DLGAP1: variants seen among roughly 807,000 people sequenced by gnomAD.
DLGAP1 encodes the protein disks large-associated protein 1.
DLGAP1 carries 11 observed loss-of-function variants against 90.8 expected under a neutral mutation model. The observed-to-expected ratio is 0.12, with a 90% CI of 0.08 to 0.20. DLGAP1 has a LOEUF of 0.20. Among genes scored for constraint, DLGAP1 ranks in the 10% least tolerant of loss-of-function variants. The pLI is 1.00. For missense variants in DLGAP1, 1,050 were observed against 1,333.8 expected, an observed-to-expected ratio of 0.79 and a Z score of 3.31; for synonymous variants, 558 against 540.7, an observed-to-expected ratio of 1.03 and a Z score of -0.44.
At chr18:3,538,381 A>C (rs1454774252) in intron 9 of DLGAP1, among the ~76,000 whole-genome samples, 1 of 152,002 alleles carries the variant, frequency 6.6e-6, no homozygotes. Flanking sequence ...GAGCCAAAAA[A>C]AAAAAAGAAA....
At chr18:4,181,986 C>A (rs1334824080) in intron 1 of DLGAP1, among the ~76,000 whole-genome samples, 1 of 152,080 alleles carries the variant, frequency 6.6e-6, no homozygotes, top group African/African-American at 2.4e-5. Flanking sequence ...TTTGCAGATC[C>A]CCCTGCTCCA....
At chr18:4,442,126 G>C (rs1319495035) in intron 1 of DLGAP1, among the ~76,000 whole-genome samples, 1 of 152,026 alleles carries the variant, frequency 6.6e-6, no homozygotes, top group Non-Finnish European at 1.5e-5. Flanking sequence ...CAAGTAGCTG[G>C]GATTACAGGC....
intron 1 of DLGAP1, among the ~76,000 whole-genome samples, chr18:4,434,936 G>A (rs1343998074): frequency 2.6e-5 from 4 of 152,170 alleles, no homozygotes; most frequent in Non-Finnish European, 5.9e-5. Context: ...TGATGTAGAG[G>A]AGTATTAAGA....
intron 7 of DLGAP1, among the ~76,000 whole-genome samples, chr18:3,710,748 T>C (rs1263294105): frequency 6.6e-6 from 1 of 152,184 alleles, no homozygotes; most frequent in Non-Finnish European, 1.5e-5. Context: ...GGACAAGAGA[T>C]TGACTTGGGG....
chr18:3,946,967 G>C (rs2072889383), intron 3 of DLGAP1, among the ~76,000 whole-genome samples: 2 of 152,150 alleles, frequency 1.3e-5, no homozygotes, highest in African/African-American at 4.8e-5. Context: ...TTTTAGGGGG[G>C]AGACTTACAT....
At chr18:3,789,927 TATC>T (rs1395182487) in intron 5 of DLGAP1, among the ~76,000 whole-genome samples, 3 of 152,212 alleles carry the variant, frequency 2.0e-5, no homozygotes, top group Non-Finnish European at 4.4e-5. Context: ...TTTTAGGAAA[TATC>T]ATAAGCAGTA....
chr18:4,415,760 T>C (rs551312397), intron 1 of DLGAP1, among the ~76,000 whole-genome samples: 5 of 152,238 alleles, frequency 3.3e-5, no homozygotes, highest in African/African-American at 9.6e-5. Flanking sequence ...ATCTATAAAA[T>C]GGGATTATCA....
chr18:3,904,463 G>C (rs1472285688), intron 3 of DLGAP1, among the ~76,000 whole-genome samples: 1 of 151,144 alleles, frequency 6.6e-6, no homozygotes, highest in Non-Finnish European at 1.5e-5. Flanking sequence ...TTAAGCCTGG[G>C]GTTAAGCCAA....
intron 1 of DLGAP1, among the ~76,000 whole-genome samples, chr18:4,281,992 A>C (rs2079562714): frequency 6.6e-6 from 1 of 152,218 alleles, no homozygotes; most frequent in South Asian, 2.1e-4. Flanking sequence ...AACTTTAAGA[A>C]ATATTTTAAA....
chr18:3,908,682 A>C (rs980688311), intron 3 of DLGAP1, among the ~76,000 whole-genome samples: 3 of 152,242 alleles, frequency 2.0e-5, no homozygotes, highest in African/African-American at 7.2e-5. Context: ...ACTCACAAAT[A>C]TACTTTTTCT....
intron 1 of DLGAP1, among the ~76,000 whole-genome samples, chr18:4,395,547 A>G (rs1418536129): frequency 6.6e-6 from 1 of 152,184 alleles, no homozygotes; most frequent in Non-Finnish European, 1.5e-5. Flanking sequence ...AAAGATCATT[A>G]ACATGGTTCT....
At chr18:3,972,882 A>G (rs2073482931) in intron 3 of DLGAP1, among the ~76,000 whole-genome samples, 1 of 152,186 alleles carries the variant, frequency 6.6e-6, no homozygotes, top group African/African-American at 2.4e-5. Flanking sequence ...CTGTTCCCCA[A>G]TCTGTGTTTA....
At chr18:3,916,078 G>T (rs543084219) in intron 3 of DLGAP1, among the ~76,000 whole-genome samples, 1 of 152,242 alleles carries the variant, frequency 6.6e-6, no homozygotes, top group South Asian at 2.1e-4. Flanking sequence ...TATCCCCAAG[G>T]ACATCCATAA....
intron 2 of DLGAP1, among the ~76,000 whole-genome samples, chr18:4,101,923 T>C (rs564038439): frequency 6.6e-6 from 1 of 152,026 alleles, no homozygotes; most frequent in Admixed American, 6.6e-5. Flanking sequence ...TGCATATATG[T>C]ATGCATTTAT....
chr18:3,657,027 T>A (rs912922808), intron 7 of DLGAP1, among the ~76,000 whole-genome samples: 5 of 152,216 alleles, frequency 3.3e-5, no homozygotes, highest in Admixed American at 2.6e-4. Flanking sequence ...ATTACAGGCG[T>A]GAGCCACCAC....
At chr18:3,918,938 C>T (rs939510279) in intron 3 of DLGAP1, among the ~76,000 whole-genome samples, 2 of 112,680 alleles carry the variant, frequency 1.8e-5, no homozygotes, top group Non-Finnish European at 3.9e-5. Context: ...GGGCAGCCTA[C>T]CAGCACGGAT....
At chr18:3,843,694 G>A (rs1255354337) in intron 4 of DLGAP1, among the ~76,000 whole-genome samples, 4 of 152,164 alleles carry the variant, frequency 2.6e-5, no homozygotes, top group African/African-American at 4.8e-5. Flanking sequence ...AATGCACCAC[G>A]TTTGAGCCTC....
intron 2 of DLGAP1, among the ~76,000 whole-genome samples, chr18:4,105,909 G>A (rs1301439558): frequency 2.0e-5 from 3 of 151,970 alleles, no homozygotes; most frequent in Admixed American, 6.6e-5. Context: ...GCGGGCACCT[G>A]TAGTCCCAGC....
intron 5 of DLGAP1, among the ~76,000 whole-genome samples, chr18:3,769,381 G>T (rs1174678045): frequency 6.6e-6 from 1 of 152,124 alleles, no homozygotes; most frequent in African/African-American, 2.4e-5. Flanking sequence ...TATGACCCAA[G>T]AATTGTACTC....
Sources: allele counts gnomAD v4.1 joint callset (sites outside exome capture counted in the v4.1 genomes callset), GRCh38; gene constraint gnomAD v4.1.1; transcripts MANE v1.5; gene names NCBI Gene and HGNC (gene_info 2026-07-23, HGNC 2026-07-21).